Variants in MOK observed in about 807,000 individuals in gnomAD.
MOK encodes the protein MAPK/MAK/MRK overlapping kinase.
Under a neutral mutation model 54.2 loss-of-function variants are expected in MOK, and 59 were observed. The observed-to-expected ratio is 1.09, with a 90% CI of 0.88 to 1.35. The LOEUF is 1.35. Ranked by LOEUF, MOK falls within the 40% of genes most tolerant of loss-of-function variation. The pLI is 0.00. For missense variants in MOK, 517 were observed against 526.2 expected, an observed-to-expected ratio of 0.98 and a Z score of 0.17; for synonymous variants, 210 against 202.7, an observed-to-expected ratio of 1.04 and a Z score of -0.31.
intron 4 of MOK, among the ~76,000 whole-genome samples, chr14:102,256,131 C>A (rs1409227023): frequency 6.6e-6 from 1 of 151,760 alleles, no homozygotes; most frequent in Non-Finnish European, 1.5e-5. Context: ...CAGGGTCTCA[C>A]TCTGTTGCCC....
Position 102,231,794 on chromosome 14 carries a change from G to A in MOK, c.894C>T (p.Ser298=), listed in dbSNP as rs7152550. ...QRKTEKRALG[S]HRKAGFPEHP... ...GCTCCGGAAAGCCAGCTTTTCTGTG[G>A]CTGCCCAGAGCCCGCTTCTCTGTTT... Residue 298 remains serine, a synonymous_variant, in exon 10 of 12, where the codon AGC becomes AGT. Coordinates refer to ENST00000361847, the MANE Select transcript of MOK (RefSeq NM_014226.3). This position sits in a 1 kb window ranked among gnomAD's most constrained non-coding sequence, Gnocchi z 4.4. 0.074 allele frequency: 119,154 copies of A among 1,612,106 alleles called. 4,815 individuals are homozygous for A. The highest frequency in any genetic ancestry group is 0.11 in the South Asian group (10,444 of 90,990).
At chr14:102,214,826 C>G in the MOK span, 1 of 980,396 alleles carries the variant, frequency 1.0e-6, no homozygotes, top group Non-Finnish European at 1.2e-6. Flanking sequence ...ACTTTAGTAT[C>G]AGTATTGTTT....
intron 1 of MOK, among the ~76,000 whole-genome samples, chr14:102,296,667 T>A (rs2071450600): frequency 6.6e-6 from 1 of 152,160 alleles, no homozygotes; most frequent in Non-Finnish European, 1.5e-5. Flanking sequence ...CAGCTGTAAT[T>A]CCAACATATT....
rs1597339838 is a variant in MOK at position 102,245,721 on chromosome 14, G to A, written c.590+5091C>T. Reference sequence around the variant, plus strand: ...CCCAGGTGAAATAAATAGCCTTGTTGCTCACACAAAGCCTGTTTGGTGGTC... The same window carrying A: ...CCCAGGTGAAATAAATAGCCTTGTTACTCACACAAAGCCTGTTTGGTGGTC... On this transcript the variant is annotated intron_variant, in intron 7 of 11. Transcript: ENST00000361847. This position sits in a 1 kb window ranked among gnomAD's most constrained non-coding sequence, Gnocchi z 4.3. Among the ~76,000 whole-genome samples, 1 of 152,210 alleles carries A rather than the reference G, an allele frequency of 6.6e-6. No individual in the cohort carries two copies. The highest frequency in any genetic ancestry group is 1.9e-4 in the East Asian group (1 of 5,172).
chr14:102,289,961 G>C (rs1240706408), intron 1 of MOK, among the ~76,000 whole-genome samples: 1 of 152,132 alleles, frequency 6.6e-6, no homozygotes, highest in Non-Finnish European at 1.5e-5. Flanking sequence ...CTAACAAGGA[G>C]ACTAGATTCT....
At chr14:102,227,397 G>C (rs757555965), downstream of MOK, among the ~76,000 whole-genome samples, 16 of 150,814 alleles carry the variant, frequency 1.1e-4, no homozygotes, top group Admixed American at 4.6e-4. Context: ...TCTGCCCACG[G>C]CCTTGACGTC....
chr14:102,252,535 A>C (rs2066615314), intron 4 of MOK, among the ~76,000 whole-genome samples: 1 of 151,788 alleles, frequency 6.6e-6, no homozygotes, highest in Non-Finnish European at 1.5e-5. Flanking sequence ...ATCCCTTTTT[A>C]TTTTTCTTTT....
the MOK span, among the ~76,000 whole-genome samples, chr14:102,215,606 T>C: frequency 6.6e-6 from 1 of 152,206 alleles, no homozygotes; most frequent in Admixed American, 6.5e-5. Flanking sequence ...TTTTTCCTTA[T>C]GCTCTCCCTC....
chr14:102,278,659 G>A, intron 2 of MOK: 1 of 455,018 alleles, frequency 2.2e-6, no homozygotes, highest in Non-Finnish European at 4.4e-6. Context: ...CGGGCCAGGT[G>A]GGGAACTTGA....
chr14:102,229,481 C>T lies in MOK; in HGVS notation c.1158G>A (p.Leu386=). 1 of 1,614,174 alleles carries T rather than the reference C, an allele frequency of 6.2e-7. No homozygotes were observed. Among genetic ancestry groups the T allele is most frequent in the Non-Finnish European group, 8.5e-7 (1 of 1,180,044 alleles). ...TNGRVPVLRP[L]KCIPASKKTD... ...CCTTCTTGCTCGCAGGGATGCACTT[C>T]AAGGGTCTCAGCACCGGCACTCTTC... is the stretch of plus-strand genomic sequence containing the variant. The change falls in exon 11 of 12, where the codon TTG becomes TTA. Residue 386 remains leucine, a synonymous_variant. Transcript: ENST00000361847.
chr14:102,299,365 T>C (rs1250945186), intron 1 of MOK, among the ~76,000 whole-genome samples: 1 of 151,960 alleles, frequency 6.6e-6, no homozygotes, highest in African/African-American at 2.4e-5. Flanking sequence ...ACTACAAAAA[T>C]TAACCAGGTG....
At chr14:102,215,509 T>A in the MOK span, among the ~76,000 whole-genome samples, 10 of 152,024 alleles carry the variant, frequency 6.6e-5, no homozygotes, top group Non-Finnish European at 1.5e-5. Context: ...AACGTGCAGG[T>A]TTGTTACATA....
At chr14:102,279,734 C>G (rs1251774518) in intron 2 of MOK, among the ~76,000 whole-genome samples, 3 of 152,166 alleles carry the variant, frequency 2.0e-5, no homozygotes, top group South Asian at 4.2e-4. Context: ...CTTCCTTATC[C>G]CTAACTAAGT....
rs1340616589 is a variant in MOK, at chr14:102,231,565, C to T, written c.981+142G>A. ...GTCCCAACACATGGAGCCATCAACT[C>T]GCATGCTGTTCAGGCCTCGACTGAC... is the stretch of plus-strand genomic sequence containing the variant. On this transcript the variant is annotated intron_variant, in intron 10 of 11. Coordinates refer to ENST00000361847, the MANE Select transcript of MOK (RefSeq NM_014226.3). This position sits in a 1 kb window ranked among gnomAD's most constrained non-coding sequence, Gnocchi z 4.4. 8 of 676,934 alleles carry T rather than the reference C, an allele frequency of 1.2e-5. No individual in the cohort carries two copies. Among genetic ancestry groups the T allele is most frequent in the Non-Finnish European group, 1.8e-5 (7 of 384,834 alleles). The allele number at this position is 676,934 out of a possible 1,614,324, so 41.9% of individuals were successfully genotyped here. A position where few individuals can be genotyped will look rare whatever the true frequency, so the allele number is the denominator to read the frequency against.
At chr14:102,268,717 C>T (rs1186563337) in intron 2 of MOK, among the ~76,000 whole-genome samples, 2 of 152,046 alleles carry the variant, frequency 1.3e-5, no homozygotes, top group Non-Finnish European at 2.9e-5. Flanking sequence ...AGATCGAGAC[C>T]ATCCTGGCTA....
intron 1 of MOK, among the ~76,000 whole-genome samples, chr14:102,293,047 C>T (rs1044361163): frequency 6.6e-6 from 1 of 152,128 alleles, no homozygotes; most frequent in Non-Finnish European, 1.5e-5. Context: ...GCATAAGAAT[C>T]GCTTGAACCT....
intron 1 of MOK, among the ~76,000 whole-genome samples, chr14:102,289,430 T>C (rs2153181271): frequency 1.3e-5 from 2 of 152,288 alleles, no homozygotes; most frequent in Middle Eastern, 6.8e-3. Flanking sequence ...TTCAATACTA[T>C]TCTAGTTCCT....
chr14:102,232,496 G>A lies in MOK; in HGVS notation c.866+39C>T. The stretch of plus-strand genomic sequence containing the variant: ...TGTGCCCATGGGTCTCATTTGCCAG[G>A]TCCTGCATCTGCCCCACCGAACCCA... On this transcript the variant is annotated intron_variant, in intron 9 of 11. Coordinates refer to ENST00000361847, the MANE Select transcript of MOK (RefSeq NM_014226.3). This position sits in a 1 kb window ranked among gnomAD's most constrained non-coding sequence, Gnocchi z 5.1. 1 of 1,590,496 alleles carries A rather than the reference G, an allele frequency of 6.3e-7. No individual in the cohort carries two copies. Among genetic ancestry groups the A allele is most frequent in the Non-Finnish European group, 8.6e-7 (1 of 1,165,244 alleles).
At chr14:102,246,720 A>G (rs1435000033) in intron 7 of MOK, among the ~76,000 whole-genome samples, 1 of 152,116 alleles carries the variant, frequency 6.6e-6, no homozygotes, top group Admixed American at 6.6e-5. Context: ...AGGTGTTACA[A>G]CCTTACATGC....
Sources: allele counts gnomAD v4.1 joint callset (sites outside exome capture counted in the v4.1 genomes callset), GRCh38; gene constraint gnomAD v4.1.1; non-coding constraint Gnocchi (gnomAD v3.1); transcripts MANE v1.5; gene names NCBI Gene and HGNC (gene_info 2026-07-23, HGNC 2026-07-21).